Variants in MAPKAP1 observed in about 807,000 individuals in gnomAD.
The protein encoded by MAPKAP1 is MAPK associated protein 1, also known as target of rapamycin complex 2 subunit MAPKAP1.
A neutral mutation model predicts 65.7 loss-of-function variants in MAPKAP1; 20 were observed. The ratio of observed to expected loss-of-function variants is 0.30; its 90% CI spans 0.21 to 0.44. The LOEUF (loss-of-function observed/expected upper bound fraction) is 0.44. Among genes scored for constraint, MAPKAP1 ranks in the 20% least tolerant of loss-of-function variants. MAPKAP1 has a pLI of 1.00. For synonymous variants in MAPKAP1, 222 were observed against 244.3 expected, an observed-to-expected ratio of 0.91 and a Z score of 0.85; for missense variants, 423 against 648.0, an observed-to-expected ratio of 0.65 and a Z score of 3.77.
intron 9 of MAPKAP1, chr9:125,471,796 T>C (rs1174188292): frequency 2.6e-5 from 4 of 152,338 alleles, no homozygotes; most frequent in African/African-American, 7.2e-5. Context: ...CTGCCGTTTC[T>C]GCTTCGGCAG....
intron 5 of MAPKAP1, 128 bp from the exon 6 acceptor site, chr9:125,559,937 A>T: frequency 2.4e-6 from 2 of 819,622 alleles, no homozygotes; most frequent in Non-Finnish European, 3.7e-6. Context: ...GTGATACAGT[A>T]AAAAATCCCA....
intron 8 of MAPKAP1, among the ~76,000 whole-genome samples, chr9:125,497,814 T>C (rs994864073): frequency 1.3e-5 from 2 of 152,276 alleles, no homozygotes; most frequent in Admixed American, 6.5e-5. Context: ...CAGGCTTATA[T>C]TGGCCCTGAT....
chr9:125,591,992 G>A (rs540503910), intron 4 of MAPKAP1, among the ~76,000 whole-genome samples: 1 of 152,320 alleles, frequency 6.6e-6, no homozygotes, highest in Non-Finnish European at 1.5e-5. Context: ...TTAGAGCACA[G>A]GGAAGCGGGC....
chr9:125,660,513 C>A (rs1834153724), intron 3 of MAPKAP1, among the ~76,000 whole-genome samples: 1 of 152,166 alleles, frequency 6.6e-6, no homozygotes, highest in Admixed American at 6.5e-5. Flanking sequence ...ATTTCTAACC[C>A]TAAACACTCC....
chr9:125,450,427 C>T (rs1198706581), intron 10 of MAPKAP1, among the ~76,000 whole-genome samples: 2 of 152,180 alleles, frequency 1.3e-5, no homozygotes, highest in Non-Finnish European at 2.9e-5. Context: ...AGATTGTATA[C>T]TAGAAGTTGA....
intron 8 of MAPKAP1, among the ~76,000 whole-genome samples, chr9:125,497,564 C>T (rs1828844530): frequency 6.6e-6 from 1 of 152,182 alleles, no homozygotes; most frequent in Admixed American, 6.5e-5. Context: ...ATAATAAGAG[C>T]ACTTATATCT....
intron 10 of MAPKAP1, among the ~76,000 whole-genome samples, chr9:125,467,664 C>T (rs1056810620): frequency 2.0e-5 from 3 of 152,196 alleles, no homozygotes; most frequent in African/African-American, 7.2e-5. Context: ...GAAATGAGGG[C>T]TCTGGTGAGT....
rs1023798332 is a variant in MAPKAP1 at position 125,460,310 on chromosome 9, A to G, written c.1345+7662T>C. Among the ~76,000 whole-genome samples, 73 of 150,366 alleles carry G rather than the reference A, an allele frequency of 4.9e-4. 1 individual carries two copies. In the Middle Eastern group the frequency reaches 0.014, roughly 28 times the overall value. ...CAAAAAGGAGGCTTCTCCCAGGAGAAAAAAAAAAAAGTTGATACCCTCAAA... is the reference window on the plus strand; with the variant it reads ...CAAAAAGGAGGCTTCTCCCAGGAGAGAAAAAAAAAAGTTGATACCCTCAAA... On this transcript the variant is annotated intron_variant, in intron 10 of 11. Transcript: ENST00000265960.
At chr9:125,443,567 G>T (rs1222439143) in intron 11 of MAPKAP1, among the ~76,000 whole-genome samples, 1 of 152,110 alleles carries the variant, frequency 6.6e-6, no homozygotes, top group Non-Finnish European at 1.5e-5. Flanking sequence ...GGAAACGTAT[G>T]ATCTCAGGTC....
chr9:125,699,082 T>G (rs946982800), intron 1 of MAPKAP1, among the ~76,000 whole-genome samples: 1 of 152,232 alleles, frequency 6.6e-6, no homozygotes, highest in African/African-American at 2.4e-5. Flanking sequence ...CTGGATTTTC[T>G]TTGAATTTTG....
chr9:125,652,387 G>T, intron 4 of MAPKAP1: 1 of 497,576 alleles, frequency 2.0e-6, no homozygotes, highest in Non-Finnish European at 2.7e-6. Context: ...TCGACATTGT[G>T]GAATATTTCC....
At chr9:125,589,971 C>T (rs988442799) in intron 4 of MAPKAP1, among the ~76,000 whole-genome samples, 6 of 152,136 alleles carry the variant, frequency 3.9e-5, no homozygotes, top group Non-Finnish European at 7.4e-5. Flanking sequence ...TTGGCCTTGT[C>T]GGGCAGGCAA....
chr9:125,654,365 CG>C (rs542908629), intron 4 of MAPKAP1, among the ~76,000 whole-genome samples: 126 of 152,286 alleles, frequency 8.3e-4, no homozygotes, highest in African/African-American at 2.9e-3. Context: ...GCTGGTTTTG[CG>C]GATCTGACCA....
chr9:125,580,258 T>C (rs1191906022), intron 5 of MAPKAP1, among the ~76,000 whole-genome samples: 1 of 152,172 alleles, frequency 6.6e-6, no homozygotes, highest in East Asian at 1.9e-4. Context: ...GTGGCACTAT[T>C]CACAATAGCA....
chr9:125,526,933 C>A (rs1318598499), intron 7 of MAPKAP1, among the ~76,000 whole-genome samples: 1 of 151,762 alleles, frequency 6.6e-6, no homozygotes, highest in Admixed American at 6.6e-5. Context: ...GCCACCACGC[C>A]CAGCTAATTT....
At chr9:125,472,007 G>A (rs1853943128) in intron 9 of MAPKAP1, 2 of 152,222 alleles carry the variant, frequency 1.3e-5, no homozygotes, top group Non-Finnish European at 2.9e-5. Flanking sequence ...AAGTTGGCTA[G>A]TATGTTCATC....
intron 7 of MAPKAP1, among the ~76,000 whole-genome samples, chr9:125,539,008 G>A (rs915048402): frequency 2.0e-5 from 3 of 152,232 alleles, no homozygotes; most frequent in African/African-American, 4.8e-5. Context: ...AGTACTTGGC[G>A]GAATAATGTT....
intron 6 of MAPKAP1, among the ~76,000 whole-genome samples, chr9:125,549,423 T>C (rs941000124): frequency 1.3e-5 from 2 of 152,236 alleles, no homozygotes; most frequent in Non-Finnish European, 2.9e-5. Flanking sequence ...AACTGCAGCA[T>C]GCCTGCTTTA....
intron 4 of MAPKAP1, among the ~76,000 whole-genome samples, chr9:125,600,332 G>A (rs554135766): frequency 2.6e-5 from 4 of 152,184 alleles, no homozygotes; most frequent in South Asian, 4.2e-4. Context: ...AGTTACATTT[G>A]CTAGACTTCT....
Sources: gnomAD v4.1 joint callset for allele counts (sites outside exome capture counted in the v4.1 genomes callset) on GRCh38, gnomAD v4.1.1 for gene constraint, MANE v1.5 for transcripts, NCBI Gene and HGNC (gene_info 2026-07-23, HGNC 2026-07-21) for gene names.